The following ERC1 variants were observed in gnomAD, a reference collection of about 807,000 sequenced individuals.
The protein encoded by ERC1 is RAB6 interacting protein 2.
ERC1 carries 56 observed loss-of-function variants against 132.0 expected under a neutral mutation model. That is an observed-to-expected ratio of 0.42 (90% CI 0.34 to 0.53). The LOEUF (loss-of-function observed/expected upper bound fraction) is 0.53, where lower values mean the gene tolerates loss of function less well. Ranked by LOEUF, ERC1 falls within the 20% of genes least tolerant of loss-of-function variation. ERC1 has a pLI of 0.03. For missense variants in ERC1, 1,202 were observed against 1,349.9 expected (o/e 0.89, Z 1.72); for synonymous variants, 478 against 476.1 (o/e 1.00, Z -0.05).
chr12:1,217,938 C>T (rs2154293703), intron 12 of ERC1, among the ~76,000 whole-genome samples: 1 of 152,328 alleles, frequency 6.6e-6, no homozygotes, highest in South Asian at 2.1e-4. Flanking sequence ...AGAAGAGTCA[C>T]AAAGCTTTGC....
intron 7 of ERC1, among the ~76,000 whole-genome samples, chr12:1,123,404 G>A (rs894120182): frequency 2.0e-5 from 3 of 151,894 alleles, no homozygotes; most frequent in African/African-American, 7.3e-5. Context: ...ATACAAATAA[G>A]TACTTAGATC....
intron 7 of ERC1, among the ~76,000 whole-genome samples, chr12:1,118,158 A>G (rs1460350013): frequency 1.3e-5 from 2 of 152,196 alleles, no homozygotes; most frequent in East Asian, 3.9e-4. Flanking sequence ...GCAATACAGC[A>G]AAAGGGTCAG....
rs115209462 is a variant in ERC1, at chr12:1,227,168, A to G, written c.2352-9601A>G. On this transcript the variant is annotated intron_variant, in intron 12 of 18. Coordinates refer to ENST00000360905, the MANE Select transcript of ERC1 (RefSeq NM_178040.4). The stretch of plus-strand genomic sequence containing the variant: ...AGCAGAAGTGACATTGCTGAGTCAT[A>G]TGGTAGTTCTGTTTCTAATGTTTAG... Among the ~76,000 whole-genome samples the G allele has an allele frequency of 9.2e-3, 1,395 of 152,290 alleles. 24 individuals carry two copies. Among genetic ancestry groups the G allele is most frequent in the African/African-American group, 0.031 (1,306 of 41,560 alleles).
At chr12:1,454,627 A>T (rs749729930) in intron 18 of ERC1, among the ~76,000 whole-genome samples, 4 of 152,150 alleles carry the variant, frequency 2.6e-5, no homozygotes, top group Non-Finnish European at 5.9e-5. Context: ...TAGGAAAAAC[A>T]CTTTGTTTTT....
intron 7 of ERC1, among the ~76,000 whole-genome samples, chr12:1,137,552 G>A (rs926604284): frequency 6.6e-6 from 1 of 151,972 alleles, no homozygotes; most frequent in African/African-American, 2.4e-5. Flanking sequence ...GAGGATAAAA[G>A]GGTGGGCAAA....
rs1162406250 is a variant in ERC1, at chr12:1,278,680, T to C, written c.2620-11172T>C. ...CATTTCTCCACTTTTAGTAACTCTG[T>C]ACTTAAAGTTTGAAGCTACCTTGTA... is the stretch of plus-strand genomic sequence containing the variant. On this transcript the variant is annotated intron_variant, in intron 14 of 18. Coordinates refer to ENST00000360905, the MANE Select transcript of ERC1 (RefSeq NM_178040.4). 2.6e-5 allele frequency among the ~76,000 whole-genome samples: 4 copies of C among 152,334 alleles called. No homozygotes were observed. The East Asian group carries it at 7.7e-4, about 29-fold the overall frequency.
At position 1,371,040 on chromosome 12, in the gene ERC1, G is replaced by A. The variant is rs148574570; in HGVS notation, c.2781-793G>A. On this transcript the variant is annotated intron_variant, in intron 15 of 18. Coordinates refer to ENST00000360905, the MANE Select transcript of ERC1 (RefSeq NM_178040.4). The stretch of plus-strand genomic sequence containing the variant: ...AATATTTTTTAAACTTTATTTTATT[G>A]TAGTAAGAAGACAACACGGGATCTA... Among the ~76,000 whole-genome samples the A allele has an allele frequency of 7.0e-3, 1,070 of 152,136 alleles. 6 individuals carry two copies. The highest frequency in any genetic ancestry group is 0.022 in the African/African-American group (927 of 41,504).
intron 17 of ERC1, among the ~76,000 whole-genome samples, chr12:1,411,072 T>C (rs1196078231): frequency 6.6e-6 from 1 of 152,160 alleles, no homozygotes; most frequent in African/African-American, 2.4e-5. Context: ...AAACTTTTTT[T>C]AGAAGTCATT....
At chr12:1,319,818 A>T (rs936121504) in intron 15 of ERC1, among the ~76,000 whole-genome samples, 2 of 152,066 alleles carry the variant, frequency 1.3e-5, no homozygotes, top group African/African-American at 4.8e-5. Flanking sequence ...TAAATTCTGT[A>T]TTTTTTTCCC....
chr12:1,391,002 A>C (rs1314086512), intron 16 of ERC1: 1 of 152,244 alleles, frequency 6.6e-6, no homozygotes, highest in African/African-American at 2.4e-5. Flanking sequence ...GTAGCTGATC[A>C]GTTGCTGCCT....
intron 1 of ERC1, among the ~76,000 whole-genome samples, chr12:1,003,545 T>TA (rs776651999): frequency 6.6e-6 from 1 of 152,238 alleles, no homozygotes; most frequent in Non-Finnish European, 1.5e-5. Flanking sequence ...TCGCAATTCT[T>TA]ACACCTTTTT....
chr12:1,323,632 C>A (rs1011466740), intron 15 of ERC1, among the ~76,000 whole-genome samples: 5 of 152,042 alleles, frequency 3.3e-5, no homozygotes, highest in Admixed American at 3.3e-4. Flanking sequence ...ACCTAGAGTT[C>A]GTTTTCTCAT....
chr12:1,106,896 G>T (rs1945325644), intron 4 of ERC1, among the ~76,000 whole-genome samples: 2 of 152,188 alleles, frequency 1.3e-5, no homozygotes, highest in Non-Finnish European at 2.9e-5. Flanking sequence ...GATTCTGGTG[G>T]CCCAGTGGGG....
Position 1,418,609 on chromosome 12 carries a change from TTCTTTCTTTCTTTC to T in ERC1, c.3024+10364_3024+10377del, listed in dbSNP as rs1391755844. ...TCTTTCTCTTTCTTTCTTTCTTTCT[TTCTTTCTTTCTTTC>T]TTTCTTTCTTTCTTTCTTTCTCTCT... On this transcript the variant is annotated intron_variant, in intron 17 of 18. Transcript: ENST00000360905. Among the ~76,000 whole-genome samples, 9 of 99,044 alleles carry T rather than the reference TTCTTTCTTTCTTTC, an allele frequency of 9.1e-5. 1 individual carries two copies. Among genetic ancestry groups the T allele is most frequent in the African/African-American group, 5.3e-4 (9 of 16,858 alleles). The allele number at this position is 99,044 out of a possible 152,430, so 65.0% of individuals were successfully genotyped here. A position where few individuals can be genotyped will look rare whatever the true frequency, so the allele number is the denominator to read the frequency against.
intron 2 of ERC1, among the ~76,000 whole-genome samples, chr12:1,050,328 C>G (rs1971730915): frequency 6.6e-6 from 1 of 152,170 alleles, no homozygotes; most frequent in Non-Finnish European, 1.5e-5. Context: ...TGGTAGCAAA[C>G]AGGATAGAAT....
chr12:1,144,950 CTA>C (rs1225847440), intron 8 of ERC1, among the ~76,000 whole-genome samples: 1 of 151,540 alleles, frequency 6.6e-6, no homozygotes, highest in Non-Finnish European at 1.5e-5. Flanking sequence ...ATGCAAATAT[CTA>C]TTTTTTTATT....
intron 15 of ERC1, among the ~76,000 whole-genome samples, chr12:1,317,871 G>GAA (rs2081876328): frequency 6.6e-6 from 1 of 152,118 alleles, no homozygotes; most frequent in African/African-American, 2.4e-5. Context: ...TCACCTAGCA[G>GAA]ACTTGAGTGT....
intron 13 of ERC1, among the ~76,000 whole-genome samples, chr12:1,253,722 A>T (rs1300080891): frequency 1.3e-5 from 2 of 152,088 alleles, no homozygotes; most frequent in African/African-American, 2.4e-5. Flanking sequence ...CAGCTCAGTG[A>T]TGTGTAGCTT....
chr12:999,262 T>TTTTC (rs1479493414), intron 1 of ERC1, among the ~76,000 whole-genome samples: 1 of 152,334 alleles, frequency 6.6e-6, no homozygotes, highest in South Asian at 2.1e-4. Context: ...GTGTGCTGAG[T>TTTTC]ATTCATTTTT....
Sources: allele counts gnomAD v4.1 joint callset (sites outside exome capture counted in the v4.1 genomes callset), GRCh38; gene constraint gnomAD v4.1.1; transcripts MANE v1.5; gene names NCBI Gene and HGNC (gene_info 2026-07-23, HGNC 2026-07-21).